The following DLGAP1 variants were observed in gnomAD, a reference collection of about 807,000 sequenced individuals.
The protein encoded by DLGAP1 is disks large-associated protein 1.
In DLGAP1, 11 loss-of-function variants were observed where a neutral mutation model predicts 90.8. That is an observed-to-expected ratio of 0.12 (90% CI 0.08 to 0.20). The LOEUF (loss-of-function observed/expected upper bound fraction) is 0.20, where lower values mean the gene tolerates loss of function less well. Among genes scored for constraint, DLGAP1 ranks in the 10% least tolerant of loss-of-function variants. DLGAP1 has a pLI of 1.00. For missense variants in DLGAP1, 1,050 were observed against 1,333.8 expected, an observed-to-expected ratio of 0.79 and a Z score of 3.31; for synonymous variants, 558 against 540.7, an observed-to-expected ratio of 1.03 and a Z score of -0.44.
intron 5 of DLGAP1, among the ~76,000 whole-genome samples, chr18:3,804,127 G>C (rs2066455106): frequency 6.6e-6 from 1 of 151,700 alleles, no homozygotes; most frequent in African/African-American, 2.4e-5. Context: ...TGGGATCACA[G>C]GCGCACGCCA....
chr18:3,997,421 C>G (rs1251188673), intron 3 of DLGAP1, among the ~76,000 whole-genome samples: 1 of 47,506 alleles, frequency 2.1e-5, no homozygotes. Flanking sequence ...CCCCTAGGCT[C>G]GGTTAAACAG....
rs1433796490 is a variant in DLGAP1 at position 4,070,247 on chromosome 18, T to G, written c.-158-65046A>C. ...ATCTGCCCACCTCAGCCTCCCAAAG[T>G]GCTGGGATTACAAGCATGAGTCACC... On this transcript the variant is annotated intron_variant, in intron 2 of 12. Coordinates refer to ENST00000315677, the MANE Select transcript of DLGAP1 (RefSeq NM_004746.4). 1.3e-5 allele frequency among the ~76,000 whole-genome samples: 2 copies of G among 152,182 alleles called. 1 individual carries two copies. Among genetic ancestry groups the G allele is most frequent in the African/African-American group, 4.8e-5 (2 of 41,444 alleles).
At chr18:3,960,658 C>T (rs1217897899) in intron 3 of DLGAP1, among the ~76,000 whole-genome samples, 1 of 152,200 alleles carries the variant, frequency 6.6e-6, no homozygotes, top group African/African-American at 2.4e-5. Flanking sequence ...GGGGTGAAGG[C>T]GAAGAATTTG....
At chr18:3,866,470 G>T (rs2070390527) in intron 4 of DLGAP1, among the ~76,000 whole-genome samples, 1 of 152,152 alleles carries the variant, frequency 6.6e-6, no homozygotes, top group Non-Finnish European at 1.5e-5. Context: ...CCAGGTACAG[G>T]GTGGGGTGGG....
chr18:4,024,262 T>A (rs186954114), intron 2 of DLGAP1, among the ~76,000 whole-genome samples: 1 of 152,196 alleles, frequency 6.6e-6, no homozygotes, highest in Non-Finnish European at 1.5e-5. Flanking sequence ...AGAAAGATTC[T>A]CAGTATCAGG....
At chr18:3,621,835 G>A (rs1302638925) in intron 7 of DLGAP1, among the ~76,000 whole-genome samples, 1 of 152,122 alleles carries the variant, frequency 6.6e-6, no homozygotes, top group East Asian at 1.9e-4. Context: ...GGGCATGGTG[G>A]CATGCCTGTA....
intron 1 of DLGAP1, among the ~76,000 whole-genome samples, chr18:4,331,114 CT>C (rs1335803628): frequency 6.6e-6 from 1 of 151,736 alleles, no homozygotes; most frequent in African/African-American, 2.4e-5. Context: ...AGTAATATTC[CT>C]TGTCTAAGAT....
At chr18:3,692,643 T>C (rs150642482) in intron 7 of DLGAP1, among the ~76,000 whole-genome samples, 269 of 152,356 alleles carry the variant, frequency 1.8e-3, no homozygotes, top group Admixed American at 3.5e-3. Context: ...GATCTGCATA[T>C]GGCAGCTCTT....
rs913527652 is a variant in DLGAP1 at position 4,254,396 on chromosome 18, G to A, written c.-266-103109C>T. 1.3e-5 allele frequency among the ~76,000 whole-genome samples: 2 copies of A among 152,142 alleles called. 1 individual carries two copies. Among genetic ancestry groups the A allele is most frequent in the South Asian group, 4.1e-4 (2 of 4,832 alleles). ...GCCCAAAGAAAGTAAGTATCATGCT[G>A]ATGGTTATTCGGCTTGTAAGCAGAA... On this transcript the variant is annotated intron_variant, in intron 1 of 12. Coordinates refer to ENST00000315677, the MANE Select transcript of DLGAP1 (RefSeq NM_004746.4).
chr18:3,735,967 C>T (rs62083233), intron 6 of DLGAP1, among the ~76,000 whole-genome samples: 2,090 of 152,022 alleles, frequency 0.014, 31 homozygotes, highest in Non-Finnish European at 0.018. Flanking sequence ...CACACACACA[C>T]GCAAGCACAC....
At chr18:3,590,636 C>G (rs1270974396) in intron 7 of DLGAP1, among the ~76,000 whole-genome samples, 1 of 152,144 alleles carries the variant, frequency 6.6e-6, no homozygotes, top group Non-Finnish European at 1.5e-5. Flanking sequence ...CAGTGGATCA[C>G]CTGGGGTCAG....
At chr18:4,049,226 C>CA (rs71368721) in intron 2 of DLGAP1, among the ~76,000 whole-genome samples, 147 of 134,186 alleles carry the variant, frequency 1.1e-3, no homozygotes, top group Admixed American at 3.0e-3. Context: ...GACTCTGTCT[C>CA]AAAAAAAAAA....
intron 3 of DLGAP1, chr18:3,983,484 T>C (rs1599266888): frequency 6.6e-6 from 1 of 152,038 alleles, no homozygotes; most frequent in African/African-American, 2.4e-5. Flanking sequence ...TTGTTGGGGG[T>C]GCCAAGAATC....
rs2059643974 is a variant in DLGAP1, at chr18:3,660,349, G to A, written c.1591+68786C>T. Among the ~76,000 whole-genome samples, 1 of 152,158 alleles carries A rather than the reference G, an allele frequency of 6.6e-6. No individual in the cohort carries two copies. Among genetic ancestry groups the A allele is most frequent in the African/African-American group, 2.4e-5 (1 of 41,432 alleles). On this transcript the variant is annotated intron_variant, in intron 7 of 12. Transcript: ENST00000315677. The surrounding 1 kb of genome is among the most constrained non-coding windows in gnomAD (Gnocchi z 4.2). ...AAAATAGCACTTTTCACTGTTTGCA[G>A]TTATCTCATTGATTTCACATCTGCG...
chr18:3,880,110 G>T lies in DLGAP1; in HGVS notation c.-42C>A, dbSNP rs1320343808. On this transcript the variant is annotated 5_prime_UTR_variant, in exon 4 of 13. Transcript: ENST00000315677. ...CCGCCAGGGTCATGGACACCCGGAA[G>T]TCAGGCTCCAGACCCGTCTTGGGCA... 1.8e-5 allele frequency: 28 copies of T among 1,577,712 alleles called. No individual in the cohort carries two copies. Among genetic ancestry groups the T allele is most frequent in the Non-Finnish European group, 2.3e-5 (27 of 1,163,148 alleles).
intron 5 of DLGAP1, among the ~76,000 whole-genome samples, chr18:3,747,570 C>T (rs1457067331): frequency 1.3e-5 from 2 of 152,132 alleles, no homozygotes; most frequent in East Asian, 3.9e-4. Flanking sequence ...CAAATGTTAT[C>T]AGGGCAGTGA....
chr18:3,511,093 C>T (rs2050514717), intron 10 of DLGAP1, among the ~76,000 whole-genome samples: 1 of 152,292 alleles, frequency 6.6e-6, no homozygotes, highest in African/African-American at 2.4e-5. Flanking sequence ...CTTGCAATTC[C>T]TGTGTCCAGG....
At chr18:3,779,246 G>T (rs920595074) in intron 5 of DLGAP1, among the ~76,000 whole-genome samples, 1 of 152,120 alleles carries the variant, frequency 6.6e-6, no homozygotes, top group Admixed American at 6.5e-5. Context: ...TGTTGTTGTT[G>T]TTGTTGTTGT....
intron 7 of DLGAP1, among the ~76,000 whole-genome samples, chr18:3,608,516 T>A (rs915892981): frequency 6.6e-6 from 1 of 152,212 alleles, no homozygotes. Flanking sequence ...ATTGATTTGA[T>A]TGGCTTGGCA....
Sources: gnomAD v4.1 joint callset for allele counts (sites outside exome capture counted in the v4.1 genomes callset) on GRCh38, gnomAD v4.1.1 for gene constraint, Gnocchi (gnomAD v3.1) non-coding constraint, MANE v1.5 for transcripts, NCBI Gene and HGNC (gene_info 2026-07-23, HGNC 2026-07-21) for gene names.